The following ARHGEF10L variants were observed in gnomAD, a reference collection of about 807,000 sequenced individuals.
ARHGEF10L encodes the protein Rho guanine nucleotide exchange factor 10 like, also known as rho guanine nucleotide exchange factor 10-like protein.
ARHGEF10L carries 69 observed loss-of-function variants against 141.2 expected under a neutral mutation model. The ratio of observed to expected loss-of-function variants is 0.49; its 90% CI spans 0.40 to 0.60. ARHGEF10L has a LOEUF of 0.60. Ranked by LOEUF, ARHGEF10L falls within the 20% of genes least tolerant of loss-of-function variation. The pLI is 0.00. For synonymous variants in ARHGEF10L, 711 were observed against 718.5 expected (o/e 0.99, Z 0.17); for missense variants, 1,482 against 1,734.3 (o/e 0.85, Z 2.58).
chr1:17,547,633 C>T (rs987996462), intron 1 of ARHGEF10L, among the ~76,000 whole-genome samples: 6 of 152,150 alleles, frequency 3.9e-5, no homozygotes, highest in African/African-American at 1.2e-4. Context: ...AAATAACAGT[C>T]TCCCGAAATT....
At chr1:17,651,329 G>A (rs114507852) in intron 22 of ARHGEF10L, among the ~76,000 whole-genome samples, 6 of 152,210 alleles carry the variant, frequency 3.9e-5, no homozygotes, top group Non-Finnish European at 5.9e-5. Context: ...TATGCCAGAT[G>A]GGGGGTTACC....
At chr1:17,624,291 C>T (rs1266383122) in intron 12 of ARHGEF10L, 96 bp from the exon 13 acceptor site, 1 of 937,614 alleles carries the variant, frequency 1.1e-6, no homozygotes, top group East Asian at 2.4e-5. Flanking sequence ...CTTCTGCTCC[C>T]TGCCTTGAGG....
Position 17,624,453 on chromosome 1 carries a change from A to G in ARHGEF10L, c.1267A>G (p.Ile423Val). The G allele has an allele frequency of 1.9e-6, 3 of 1,614,218 alleles. No individual in the cohort carries two copies. Among genetic ancestry groups the G allele is most frequent in the Non-Finnish European group, 2.5e-6 (3 of 1,180,036 alleles). Residue 423 changes from isoleucine to valine, a missense_variant, in exon 13 of 29, where the codon ATC (isoleucine) becomes GTC (valine). Ile to Val is a conservative substitution (Grantham distance 29). Coordinates refer to ENST00000361221, the MANE Select transcript of ARHGEF10L (RefSeq NM_018125.4). Reference sequence around the variant, plus strand: ...GAACAACTTCACCAGTGCCATGTCCATCATCAAGAAGGCCTGCCTCACCAA... The same window carrying G: ...GAACAACTTCACCAGTGCCATGTCCGTCATCAAGAAGGCCTGCCTCACCAA... Reference protein sequence around the residue: ...YVNNFTSAMSIIKKACLTKPA... With the variant: ...YVNNFTSAMSVIKKACLTKPA...
intron 15 of ARHGEF10L, among the ~76,000 whole-genome samples, chr1:17,631,816 G>A (rs1334549164): frequency 1.3e-5 from 2 of 152,244 alleles, no homozygotes; most frequent in African/African-American, 4.8e-5. Flanking sequence ...CAAGAGTCAT[G>A]TAGCCAGACC....
chr1:17,547,612 A>G (rs541160975), intron 1 of ARHGEF10L, among the ~76,000 whole-genome samples: 2 of 152,366 alleles, frequency 1.3e-5, no homozygotes, highest in Non-Finnish European at 2.9e-5. Flanking sequence ...CAATGGTTAA[A>G]TTAAGTAGGA....
chr1:17,627,269 C>G lies in ARHGEF10L; in HGVS notation c.1411-61C>G. ...GGGGGTTGCGCAGGGTGAGGCTTTG[C>G]CCCAGGCTGGGGTAGAGTTGGTCAT... On this transcript the variant is annotated intron_variant, in intron 14 of 28. Coordinates refer to ENST00000361221, the MANE Select transcript of ARHGEF10L (RefSeq NM_018125.4). This position sits in a 1 kb window ranked among gnomAD's most constrained non-coding sequence, Gnocchi z 4.0. 1 of 1,579,306 alleles carries G rather than the reference C, an allele frequency of 6.3e-7. No homozygotes were observed. Among genetic ancestry groups the G allele is most frequent in the Middle Eastern group, 1.7e-4 (1 of 5,864 alleles).
At position 17,623,561 on chromosome 1, in the gene ARHGEF10L, A is replaced by T. The variant is rs957132862; in HGVS notation, c.1200+386A>T. On this transcript the variant is annotated intron_variant, in intron 12 of 28. Transcript: ENST00000361221. The surrounding 1 kb of genome is among the most constrained non-coding windows in gnomAD (Gnocchi z 4.7). Reference sequence around the variant, plus strand: ...AGACCACAACTTTGGCCCGGAGAGGATGTGCCGCAGTGCTGGGGAAAGGGC... The same window carrying T: ...AGACCACAACTTTGGCCCGGAGAGGTTGTGCCGCAGTGCTGGGGAAAGGGC... 2.6e-5 allele frequency among the ~76,000 whole-genome samples: 4 copies of T among 152,140 alleles called. No individual in the cohort carries two copies. The highest frequency in any genetic ancestry group is 4.4e-5 in the Non-Finnish European group (3 of 68,036).
In ARHGEF10L at chr1:17,573,650, C is replaced by T. The variant is rs891812903; in HGVS notation, c.-43-6903C>T. Among the ~76,000 whole-genome samples, 2 of 152,016 alleles carry T rather than the reference C, an allele frequency of 1.3e-5. No individual in the cohort carries two copies. Among genetic ancestry groups the T allele is most frequent in the Middle Eastern group, 3.4e-3 (1 of 294 alleles). ...AGAGTCTGGGGCCGCCCCCCTCCCA[C>T]GCTGTCCAGCCACTTCTCCAGGCTG... is the stretch of plus-strand genomic sequence containing the variant. On this transcript the variant is annotated intron_variant, in intron 1 of 28. Coordinates refer to ENST00000361221, the MANE Select transcript of ARHGEF10L (RefSeq NM_018125.4). The surrounding 1 kb of genome is among the most constrained non-coding windows in gnomAD (Gnocchi z 4.8).
At chr1:17,599,535 C>T (rs1392259991) in intron 4 of ARHGEF10L, among the ~76,000 whole-genome samples, 1 of 152,168 alleles carries the variant, frequency 6.6e-6, no homozygotes, top group Admixed American at 6.5e-5. Context: ...CTGAGCAATT[C>T]CGAGCAACTG....
chr1:17,677,489 C>G (rs1180234855), intron 26 of ARHGEF10L, among the ~76,000 whole-genome samples: 3 of 152,256 alleles, frequency 2.0e-5, no homozygotes, highest in African/African-American at 7.2e-5. Flanking sequence ...CCTTCTGGCC[C>G]AGGGTGGGCA....
At chr1:17,517,608 A>G in the ARHGEF10L span, among the ~76,000 whole-genome samples, 1 of 151,938 alleles carries the variant, frequency 6.6e-6, no homozygotes, top group Non-Finnish European at 1.5e-5. Flanking sequence ...CCACTGTCAA[A>G]GGTTTTTAGA....
chr1:17,660,455 G>A (rs970619588), intron 25 of ARHGEF10L, among the ~76,000 whole-genome samples: 2 of 152,176 alleles, frequency 1.3e-5, no homozygotes, highest in African/African-American at 4.8e-5. Flanking sequence ...CAATTCCCAC[G>A]AGTGCCGCGA....
In ARHGEF10L at chr1:17,697,012, G is replaced by A. The variant is rs768581635; in HGVS notation, c.3472G>A (p.Asp1158Asn). The A allele has an allele frequency of 1.9e-5, 31 of 1,609,170 alleles. No homozygotes were observed. Among genetic ancestry groups the A allele is most frequent in the Middle Eastern group, 1.7e-4 (1 of 6,044 alleles). Residue 1158 changes from aspartate (D) to asparagine (N), a missense_variant, in exon 29 of 29, where the codon GAT becomes AAT. Asp to Asn is a conservative substitution (Grantham distance 23). Transcript: ENST00000361221. This position sits in a 1 kb window ranked among gnomAD's most constrained non-coding sequence, Gnocchi z 4.8. ...PDGQAHEPMP[D>N]SHVGRELTRK... is the part of the protein sequence containing the mutation. Reference sequence around the variant, plus strand: ...CGGGCAGGCACACGAGCCCATGCCCGATAGCCACGTGGGCCGAGAGCTGAC... The same window carrying A: ...CGGGCAGGCACACGAGCCCATGCCCAATAGCCACGTGGGCCGAGAGCTGAC...
chr1:17,545,118 T>C (rs572952673), intron 1 of ARHGEF10L, among the ~76,000 whole-genome samples: 158 of 152,308 alleles, frequency 1.0e-3, no homozygotes, highest in Non-Finnish European at 1.6e-3. Flanking sequence ...TGGGTGTGTG[T>C]GTAATGTACG....
chr1:17,519,568 T>C, the ARHGEF10L span, among the ~76,000 whole-genome samples: 1 of 151,280 alleles, frequency 6.6e-6, no homozygotes, highest in Non-Finnish European at 1.5e-5. Flanking sequence ...CGTGATCTGA[T>C]CATCCCGCCA....
At chr1:17,693,029 C>A (rs10788681) in intron 27 of ARHGEF10L, among the ~76,000 whole-genome samples, 121,095 of 152,006 alleles carry the variant, frequency 0.8, 48,700 homozygotes, top group East Asian at 0.91. Context: ...GAATCCTCCA[C>A]TGGCTCTGCC....
At chr1:17,657,391 T>C (rs2062334650) in intron 25 of ARHGEF10L, among the ~76,000 whole-genome samples, 1 of 152,168 alleles carries the variant, frequency 6.6e-6, no homozygotes. Context: ...TCCCCAGCCA[T>C]GTGGAGTGCT....
chr1:17,545,910 G>A (rs759292766), intron 1 of ARHGEF10L, among the ~76,000 whole-genome samples: 3 of 152,324 alleles, frequency 2.0e-5, no homozygotes, highest in Non-Finnish European at 2.9e-5. Context: ...GGGAGTTAAT[G>A]TGTGTTTTCT....
chr1:17,637,102 G>A (rs570598420), intron 18 of ARHGEF10L, among the ~76,000 whole-genome samples: 10 of 152,070 alleles, frequency 6.6e-5, no homozygotes, highest in Admixed American at 2.0e-4. Flanking sequence ...TGCTTCCTCC[G>A]CCACTTGTCC....
Sources: gnomAD v4.1 joint callset for allele counts (sites outside exome capture counted in the v4.1 genomes callset) on GRCh38, gnomAD v4.1.1 for gene constraint, Gnocchi (gnomAD v3.1) non-coding constraint, MANE v1.5 for transcripts, NCBI Gene and HGNC (gene_info 2026-07-23, HGNC 2026-07-21) for gene names.